Variants in LMNTD1 observed in about 807,000 individuals in gnomAD.
The protein encoded by LMNTD1 is lamin tail domain containing 1, also known as lamin tail domain-containing protein 1.
A neutral mutation model predicts 50.9 loss-of-function variants in LMNTD1; 35 were observed. The observed-to-expected ratio is 0.69, with a 90% CI of 0.53 to 0.91. The LOEUF (loss-of-function observed/expected upper bound fraction) is 0.91. LMNTD1 is among the 40% of genes least tolerant of loss of function. The pLI, the probability that LMNTD1 is intolerant of heterozygous loss-of-function variation, is 0.00. For synonymous variants in LMNTD1, 153 were observed against 161.9 expected (o/e 0.94, Z 0.42); for missense variants, 470 against 475.5 (o/e 0.99, Z 0.11).
chr12:25,624,387 G>T (rs575666852), intron 1 of LMNTD1, among the ~76,000 whole-genome samples: 64 of 152,220 alleles, frequency 4.2e-4, no homozygotes, highest in Middle Eastern at 3.4e-3. Context: ...CTAGGAAAAG[G>T]TACCCATTCC....
At position 25,563,308 on chromosome 12, in the gene LMNTD1, T is replaced by C. The variant is rs11536015; in HGVS notation, c.59-16754A>G. On this transcript the variant is annotated intron_variant, in intron 1 of 7. Transcript: ENST00000445693. The stretch of plus-strand genomic sequence containing the variant: ...CCGTTAGTCTTTGATGATGGTGACG[T>C]ACAGACAGGGTTTTGGTGTGGATGT... 5.3e-3 allele frequency among the ~76,000 whole-genome samples: 806 copies of C among 152,370 alleles called. 6 individuals carry two copies. The highest frequency in any genetic ancestry group is 8.0e-3 in the Non-Finnish European group (543 of 68,038).
chr12:25,593,908 T>C (rs1235328631), intron 1 of LMNTD1, among the ~76,000 whole-genome samples: 1 of 151,756 alleles, frequency 6.6e-6, no homozygotes, highest in Non-Finnish European at 1.5e-5. Context: ...GACACACTTA[T>C]AGAAACGCAA....
intron 8 of LMNTD1, among the ~76,000 whole-genome samples, chr12:25,517,908 G>C (rs1940930301): frequency 5.3e-5 from 8 of 152,052 alleles, no homozygotes; most frequent in Admixed American, 5.2e-4. Flanking sequence ...GGAGAATCTT[G>C]TGATTTCGTG....
At chr12:25,573,387 T>C (rs570259133) in intron 1 of LMNTD1, among the ~76,000 whole-genome samples, 1 of 152,174 alleles carries the variant, frequency 6.6e-6, no homozygotes, top group Non-Finnish European at 1.5e-5. Flanking sequence ...CTAGAATTAA[T>C]GAGAATTCAG....
chr12:25,641,649 C>G (rs1342028857), intron 1 of LMNTD1, among the ~76,000 whole-genome samples: 1 of 152,092 alleles, frequency 6.6e-6, no homozygotes, highest in South Asian at 2.1e-4. Flanking sequence ...ACTGCTTGTA[C>G]TATTATTTAT....
chr12:25,573,381 A>T (rs1944875803), intron 1 of LMNTD1, among the ~76,000 whole-genome samples: 1 of 152,140 alleles, frequency 6.6e-6, no homozygotes, highest in African/African-American at 2.4e-5. Flanking sequence ...CCAGTCCTAG[A>T]ATTAATGAGA....
At chr12:25,480,303 G>A (rs1938404221) in intron 9 of LMNTD1, among the ~76,000 whole-genome samples, 1 of 152,196 alleles carries the variant, frequency 6.6e-6, no homozygotes, top group South Asian at 2.1e-4. Context: ...GCAGATGGCA[G>A]TAAAGCATCT....
At chr12:25,609,480 G>A (rs1292574130) in intron 1 of LMNTD1, among the ~76,000 whole-genome samples, 3 of 152,192 alleles carry the variant, frequency 2.0e-5, no homozygotes, top group Non-Finnish European at 2.9e-5. Context: ...GGTCTTTGAT[G>A]TTGGTGACCT....
intron 1 of LMNTD1, among the ~76,000 whole-genome samples, chr12:25,633,837 T>C (rs1327483287): frequency 1.3e-5 from 2 of 151,846 alleles, no homozygotes; most frequent in Admixed American, 1.3e-4. Flanking sequence ...AGAGCAGAAC[T>C]AAATGAAACT....
At chr12:25,560,635 GAT>G (rs1269504418) in intron 1 of LMNTD1, among the ~76,000 whole-genome samples, 1 of 152,000 alleles carries the variant, frequency 6.6e-6, no homozygotes, top group Admixed American at 6.6e-5. Flanking sequence ...TACCTTGGGG[GAT>G]ATAGCCATTT....
chr12:25,597,540 T>C (rs1313085110), intron 1 of LMNTD1, among the ~76,000 whole-genome samples: 1 of 152,080 alleles, frequency 6.6e-6, no homozygotes, highest in African/African-American at 2.4e-5. Context: ...TAGACTCCAA[T>C]ACAATAATAG....
chr12:25,632,844 G>A (rs1946749499), intron 1 of LMNTD1, among the ~76,000 whole-genome samples: 1 of 152,064 alleles, frequency 6.6e-6, no homozygotes, highest in South Asian at 2.1e-4. Context: ...AATGTAAATG[G>A]CCTAAATATT....
At chr12:25,582,037 T>G (rs370611039) in intron 1 of LMNTD1, among the ~76,000 whole-genome samples, 2 of 152,248 alleles carry the variant, frequency 1.3e-5, no homozygotes, top group African/African-American at 2.4e-5. Context: ...TCCTCATCCA[T>G]GTGAAGGGGC....
At chr12:25,596,880 AAT>A (rs1945854935) in intron 1 of LMNTD1, among the ~76,000 whole-genome samples, 2 of 151,654 alleles carry the variant, frequency 1.3e-5, no homozygotes, top group Non-Finnish European at 1.5e-5. Context: ...AATAAATGTA[AAT>A]AGAAACAACA....
At chr12:25,597,212 T>A (rs1156363931) in intron 1 of LMNTD1, among the ~76,000 whole-genome samples, 1 of 151,960 alleles carries the variant, frequency 6.6e-6, no homozygotes, top group African/African-American at 2.4e-5. Flanking sequence ...TAATATTGAA[T>A]GTAAATGGAC....
At chr12:25,637,671 T>G (rs755744557) in intron 1 of LMNTD1, among the ~76,000 whole-genome samples, 3 of 152,120 alleles carry the variant, frequency 2.0e-5, no homozygotes, top group Admixed American at 2.0e-4. Flanking sequence ...GAAGTCATAT[T>G]ATATTCAATA....
intron 1 of LMNTD1, among the ~76,000 whole-genome samples, chr12:25,559,623 T>C (rs1475594394): frequency 2.0e-5 from 3 of 152,246 alleles, no homozygotes; most frequent in African/African-American, 7.2e-5. Flanking sequence ...ATCACCACAC[T>C]GTCTTCCACA....
At chr12:25,604,423 GTGC>G (rs1018708855) in intron 1 of LMNTD1, among the ~76,000 whole-genome samples, 2 of 152,038 alleles carry the variant, frequency 1.3e-5, no homozygotes, top group African/African-American at 4.8e-5. Flanking sequence ...ATGTATACAT[GTGC>G]CATGTTGGTG....
intron 9 of LMNTD1, among the ~76,000 whole-genome samples, chr12:25,484,252 A>T (rs1938538060): frequency 6.6e-6 from 1 of 151,932 alleles, no homozygotes; most frequent in African/African-American, 2.4e-5. Context: ...TTCTTGAAGC[A>T]TTGTTGTTTT....
Sources: allele counts gnomAD v4.1 joint callset (sites outside exome capture counted in the v4.1 genomes callset), GRCh38; gene constraint gnomAD v4.1.1; transcripts MANE v1.5; gene names NCBI Gene and HGNC (gene_info 2026-07-23, HGNC 2026-07-21).